The following ALCAM variants were observed in gnomAD, a reference collection of about 807,000 sequenced individuals.
The protein encoded by ALCAM is activated leukocyte cell adhesion molecule.
A neutral mutation model predicts 70.9 loss-of-function variants in ALCAM; 30 were observed. That is an observed-to-expected ratio of 0.42 (90% CI 0.32 to 0.57). The LOEUF is 0.57. ALCAM is among the 20% of genes least tolerant of loss of function. The pLI, the probability that ALCAM is intolerant of heterozygous loss-of-function variation, is 0.11. For missense variants in ALCAM, 591 were observed against 695.1 expected (o/e 0.85, Z 1.68); for synonymous variants, 249 against 242.5 (o/e 1.03, Z -0.25).
chr3:105,403,629 C>T (rs546460963), intron 1 of ALCAM, among the ~76,000 whole-genome samples: 6 of 151,958 alleles, frequency 3.9e-5, no homozygotes, highest in South Asian at 4.1e-4. Flanking sequence ...TCTACACCAA[C>T]GAAAAGGAAT....
intron 1 of ALCAM, among the ~76,000 whole-genome samples, chr3:105,480,351 CAATAAATAAATAAATAAATA>C (rs200096110): frequency 4.2e-4 from 63 of 150,230 alleles, no homozygotes; most frequent in African/African-American, 1.5e-3. Context: ...GATGTTGTCT[CAATAAATAAATAAATAAATA>C]AATAAATAAA....
chr3:105,413,708 G>A (rs906393668), intron 1 of ALCAM, among the ~76,000 whole-genome samples: 4 of 152,170 alleles, frequency 2.6e-5, no homozygotes, highest in Non-Finnish European at 4.4e-5. Context: ...TACTGAATAA[G>A]TAAAGTGTCC....
chr3:105,429,666 G>A (rs565513370), intron 1 of ALCAM, among the ~76,000 whole-genome samples: 1 of 151,810 alleles, frequency 6.6e-6, no homozygotes, highest in Non-Finnish European at 1.5e-5. Flanking sequence ...AATAATTTTA[G>A]AAAATGTAAT....
chr3:105,391,571 T>A (rs1935818468), intron 1 of ALCAM, among the ~76,000 whole-genome samples: 1 of 151,934 alleles, frequency 6.6e-6, no homozygotes, highest in African/African-American at 2.4e-5. Flanking sequence ...TATTTGAATA[T>A]CTTTTATTTC....
chr3:105,459,978 A>T (rs1937581578), intron 1 of ALCAM, among the ~76,000 whole-genome samples: 2 of 152,058 alleles, frequency 1.3e-5, no homozygotes, highest in Non-Finnish European at 2.9e-5. Context: ...GGATTTTTTG[A>T]TGACAAAAAA....
rs566778132 is a variant in ALCAM, at chr3:105,570,142, A to G, written c.1665-1710A>G. 2.4e-4 allele frequency among the ~76,000 whole-genome samples: 37 copies of G among 152,300 alleles called. 1 individual carries two copies. Among genetic ancestry groups the G allele is most frequent in the African/African-American group, 8.2e-4 (34 of 41,574 alleles). ...AGGACAAGATATTCAAAGAGTCAAG[A>G]AAATACAATCAATAATCTAGAGAAA... On this transcript the variant is annotated intron_variant, in intron 14 of 15. Transcript: ENST00000306107.
chr3:105,526,464 C>T (rs1939708880), intron 3 of ALCAM, among the ~76,000 whole-genome samples: 1 of 152,004 alleles, frequency 6.6e-6, no homozygotes, highest in Non-Finnish European at 1.5e-5. Flanking sequence ...AACTCACACC[C>T]CACCTACCGC....
intron 1 of ALCAM, among the ~76,000 whole-genome samples, chr3:105,426,439 A>G (rs527914334): frequency 6.6e-6 from 1 of 151,966 alleles, no homozygotes; most frequent in Non-Finnish European, 1.5e-5. Context: ...TAAATTTTGT[A>G]ATGATCAAAT....
chr3:105,547,569 T>G (rs749635635), intron 11 of ALCAM, 46 bp downstream of exon 11: 3 of 1,262,388 alleles, frequency 2.4e-6, no homozygotes, highest in Middle Eastern at 2.1e-4. Context: ...GTCCAATGCG[T>G]TTTTTTTCCT....
At chr3:105,510,688 C>T (rs1939213514) in intron 1 of ALCAM, among the ~76,000 whole-genome samples, 1 of 151,986 alleles carries the variant, frequency 6.6e-6, no homozygotes, top group Admixed American at 6.6e-5. Flanking sequence ...TAACACTGTC[C>T]TCATGTTCGA....
At chr3:105,417,272 A>G (rs1936529534) in intron 1 of ALCAM, among the ~76,000 whole-genome samples, 1 of 151,728 alleles carries the variant, frequency 6.6e-6, no homozygotes, top group African/African-American at 2.4e-5. Context: ...CCCACTGCTG[A>G]CTTATTAAAA....
At chr3:105,544,336 C>T (rs912481744) in intron 8 of ALCAM, among the ~76,000 whole-genome samples, 3 of 151,624 alleles carry the variant, frequency 2.0e-5, no homozygotes, top group African/African-American at 7.3e-5. Flanking sequence ...TCAGAGGCCA[C>T]GAACATATAG....
chr3:105,452,300 T>C (rs566931785), intron 1 of ALCAM, among the ~76,000 whole-genome samples: 5 of 152,220 alleles, frequency 3.3e-5, no homozygotes, highest in Admixed American at 6.5e-5. Context: ...CTCCCACTTA[T>C]GAGTGAGAGT....
At chr3:105,429,741 A>G (rs919127388) in intron 1 of ALCAM, among the ~76,000 whole-genome samples, 2 of 152,008 alleles carry the variant, frequency 1.3e-5, no homozygotes, top group African/African-American at 2.4e-5. Context: ...GTATGCAACT[A>G]TTCATTTAAA....
intron 14 of ALCAM, among the ~76,000 whole-genome samples, chr3:105,569,109 A>G (rs1356508812): frequency 1.3e-5 from 2 of 152,046 alleles, no homozygotes; most frequent in East Asian, 3.9e-4. Context: ...TACCAACTGA[A>G]TGTTGACTTC....
chr3:105,552,006 A>ATTTT, intron 12 of ALCAM, 138 bp from the exon 13 acceptor site: 1 of 467,560 alleles, frequency 2.1e-6, no homozygotes, highest in Non-Finnish European at 3.7e-6. Context: ...ATTAAGTGTG[A>ATTTT]TTTTTTTTTT....
rs1351689563 is a variant in ALCAM, at chr3:105,421,126, A to G, written c.73+53645A>G. Among the ~76,000 whole-genome samples, 3 of 151,438 alleles carry G rather than the reference A, an allele frequency of 2.0e-5. No homozygotes were observed. The East Asian group carries it at 5.8e-4, about 29-fold the overall frequency. On this transcript the variant is annotated intron_variant, in intron 1 of 15. Transcript: ENST00000306107. ...ATGTTTTCCTTATACTACTTTTTTA[A>G]TAGTAGTAATAACCCTCTCAGGTAA...
intron 1 of ALCAM, among the ~76,000 whole-genome samples, chr3:105,438,543 A>G (rs1287743031): frequency 6.6e-6 from 1 of 152,234 alleles, no homozygotes; most frequent in Non-Finnish European, 1.5e-5. Context: ...TACCAAAATT[A>G]TATGATAATG....
At chr3:105,499,840 C>G (rs538923968) in intron 1 of ALCAM, among the ~76,000 whole-genome samples, 11 of 152,338 alleles carry the variant, frequency 7.2e-5, no homozygotes, top group African/African-American at 2.4e-4. Context: ...ATGGCTACCT[C>G]TTTCTTCTAC....
Sources: allele counts gnomAD v4.1 joint callset (sites outside exome capture counted in the v4.1 genomes callset), GRCh38; gene constraint gnomAD v4.1.1; transcripts MANE v1.5; gene names NCBI Gene and HGNC (gene_info 2026-07-23, HGNC 2026-07-21).